The following CSMD1 variants were observed in gnomAD, a reference collection of about 807,000 sequenced individuals.
The protein encoded by CSMD1 is CUB and Sushi multiple domains 1.
Under a neutral mutation model 417.5 loss-of-function variants are expected in CSMD1, and 213 were observed. That is an observed-to-expected ratio of 0.51 (90% CI 0.46 to 0.57). The LOEUF is 0.57. Ranked by LOEUF, CSMD1 falls within the 20% of genes least tolerant of loss-of-function variation. The pLI, the probability that CSMD1 is intolerant of heterozygous loss-of-function variation, is 0.00. For missense variants in CSMD1, 6,923 were observed against 4,529.7 expected, an observed-to-expected ratio of 1.53 and a Z score of -15.17; for synonymous variants, 2,862 against 1,736.8, an observed-to-expected ratio of 1.65 and a Z score of -16.11.
intron 5 of CSMD1, among the ~76,000 whole-genome samples, chr8:3,943,784 A>G (rs1309262702): frequency 6.6e-6 from 1 of 152,092 alleles, no homozygotes; most frequent in Non-Finnish European, 1.5e-5. Context: ...AAATTTAGGG[A>G]CAGCCTGTAA....
At chr8:4,784,865 TG>T (rs1174727401) in intron 1 of CSMD1, among the ~76,000 whole-genome samples, 1 of 152,198 alleles carries the variant, frequency 6.6e-6, no homozygotes, top group Non-Finnish European at 1.5e-5. Flanking sequence ...AAACTAAATT[TG>T]CTGAGGTCTA....
chr8:3,251,847 A>C (rs1016067991), intron 26 of CSMD1, among the ~76,000 whole-genome samples: 42 of 152,198 alleles, frequency 2.8e-4, no homozygotes, highest in African/African-American at 9.2e-4. Context: ...CAGTTCACTC[A>C]TGATTTGGCT....
chr8:4,918,710 G>T (rs186738744), intron 1 of CSMD1, among the ~76,000 whole-genome samples: 1 of 151,866 alleles, frequency 6.6e-6, no homozygotes, highest in Non-Finnish European at 1.5e-5. Context: ...TACATTTTTC[G>T]TAATTTCACC....
At chr8:4,314,317 T>A (rs1434850861) in intron 3 of CSMD1, among the ~76,000 whole-genome samples, 2 of 152,136 alleles carry the variant, frequency 1.3e-5, no homozygotes, top group African/African-American at 4.8e-5. Flanking sequence ...GAAAATACAT[T>A]CACTAGCCCA....
intron 3 of CSMD1, among the ~76,000 whole-genome samples, chr8:4,101,246 C>T (rs922708141): frequency 6.6e-6 from 1 of 151,982 alleles, no homozygotes; most frequent in East Asian, 1.9e-4. Flanking sequence ...TGTTTCTCCC[C>T]TGAGGTTAAC....
chr8:3,311,093 C>A (rs373415214), intron 23 of CSMD1, among the ~76,000 whole-genome samples: 2 of 151,674 alleles, frequency 1.3e-5, no homozygotes, highest in African/African-American at 2.4e-5. Context: ...ATGTAATATA[C>A]CTAACTAACT....
intron 1 of CSMD1, among the ~76,000 whole-genome samples, chr8:4,922,346 A>T (rs919886982): frequency 6.6e-6 from 1 of 152,128 alleles, no homozygotes; most frequent in Non-Finnish European, 1.5e-5. Context: ...TCAAACTAGC[A>T]CTTCTAATTA....
rs763358853 is a variant in CSMD1, at chr8:3,348,036, G to C, written c.3430C>G (p.Leu1144Val). The change falls in exon 22 of 70, where the codon CTT becomes GTT. Residue 1144 changes from leucine to valine, a missense_variant. Transcript: ENST00000635120. ...IETEAGKGIH[L>V]RTRSFQLFEG... ...AACAGCTGGAAGCTTCGTGTTCTAA[G>C]GTGGATGCCCTTGCCGGCTTCTGTT... 3 of 1,609,770 alleles carry C rather than the reference G, an allele frequency of 1.9e-6. No individual in the cohort carries two copies. In the South Asian group the frequency reaches 3.3e-5, roughly 18 times the overall value.
At chr8:4,168,670 T>G (rs1423300761) in intron 3 of CSMD1, among the ~76,000 whole-genome samples, 4 of 152,138 alleles carry the variant, frequency 2.6e-5, no homozygotes, top group Non-Finnish European at 5.9e-5. Flanking sequence ...CATTCTCACA[T>G]TTTTTAAAAA....
intron 33 of CSMD1, among the ~76,000 whole-genome samples, chr8:3,197,939 C>T (rs1239093356): frequency 6.6e-6 from 1 of 152,048 alleles, no homozygotes; most frequent in Non-Finnish European, 1.5e-5. Context: ...CAATTTTCTG[C>T]ATAAACACAC....
chr8:4,521,419 T>G (rs977308322), intron 2 of CSMD1, among the ~76,000 whole-genome samples: 3 of 152,200 alleles, frequency 2.0e-5, no homozygotes, highest in Non-Finnish European at 4.4e-5. Context: ...CTGTATTATT[T>G]GTATTTTTAA....
chr8:4,849,093 G>C (rs1801315366), intron 1 of CSMD1, among the ~76,000 whole-genome samples: 1 of 152,158 alleles, frequency 6.6e-6, no homozygotes, highest in Non-Finnish European at 1.5e-5. Flanking sequence ...GTAGAAGACA[G>C]TGATATGTAT....
chr8:3,820,675 G>C (rs772537069), intron 5 of CSMD1, among the ~76,000 whole-genome samples: 1 of 152,120 alleles, frequency 6.6e-6, no homozygotes, highest in East Asian at 1.9e-4. Context: ...TCCCAGGTTT[G>C]AGCTATTCTC....
intron 1 of CSMD1, among the ~76,000 whole-genome samples, chr8:4,793,263 A>G (rs954149708): frequency 3.3e-5 from 5 of 152,138 alleles, no homozygotes; most frequent in Non-Finnish European, 7.4e-5. Flanking sequence ...GACCTAATCT[A>G]TGTATTTGTT....
chr8:4,330,197 A>C (rs1048529101), intron 3 of CSMD1, among the ~76,000 whole-genome samples: 2 of 151,938 alleles, frequency 1.3e-5, no homozygotes, highest in Non-Finnish European at 2.9e-5. Flanking sequence ...GAAATCCACA[A>C]TTTCTCCATA....
At chr8:4,615,473 A>G (rs1801422627) in intron 2 of CSMD1, among the ~76,000 whole-genome samples, 1 of 152,214 alleles carries the variant, frequency 6.6e-6, no homozygotes, top group Non-Finnish European at 1.5e-5. Flanking sequence ...GATTAGGTCA[A>G]AGTAATTTAA....
At chr8:4,186,809 A>G (rs1798704546) in intron 3 of CSMD1, among the ~76,000 whole-genome samples, 1 of 147,774 alleles carries the variant, frequency 6.8e-6, no homozygotes, top group Admixed American at 7.0e-5. Flanking sequence ...CTACATGGTG[A>G]CACCCCGTCT....
At chr8:3,259,706 C>G (rs967708257) in intron 26 of CSMD1, among the ~76,000 whole-genome samples, 7 of 152,106 alleles carry the variant, frequency 4.6e-5, no homozygotes, top group African/African-American at 1.7e-4. Context: ...GAGTCTAATG[C>G]AAATACTAAA....
At chr8:4,337,035 G>T (rs1585258920) in intron 3 of CSMD1, among the ~76,000 whole-genome samples, 1 of 152,158 alleles carries the variant, frequency 6.6e-6, no homozygotes, top group South Asian at 2.1e-4. Context: ...ATTATAAACT[G>T]AATTTTGCCC....
Sources: allele counts gnomAD v4.1 joint callset (sites outside exome capture counted in the v4.1 genomes callset), GRCh38; gene constraint gnomAD v4.1.1; transcripts MANE v1.5; gene names NCBI Gene and HGNC (gene_info 2026-07-23, HGNC 2026-07-21).